TLL1: variants seen among roughly 807,000 people sequenced by gnomAD.
TLL1 encodes the protein tolloid like 1, also known as tolloid-like protein 1.
Under a neutral mutation model 128.2 loss-of-function variants are expected in TLL1, and 49 were observed. The ratio of observed to expected loss-of-function variants is 0.38; its 90% CI spans 0.30 to 0.48. The LOEUF is 0.48. Among genes scored for constraint, TLL1 ranks in the 20% least tolerant of loss-of-function variants. The pLI, the probability that TLL1 is intolerant of heterozygous loss-of-function variation, is 0.96. For synonymous variants in TLL1, 454 were observed against 418.8 expected (o/e 1.08, Z -1.03); for missense variants, 1,123 against 1,242.0 (o/e 0.90, Z 1.44).
rs139514988 is a variant in TLL1 at position 166,022,258 on chromosome 4, G to A, written c.1043-3058G>A. On this transcript the variant is annotated intron_variant, in intron 8 of 20. Transcript: ENST00000061240. Reference sequence around the variant, plus strand: ...GGGCTTACTGCAATCTCTGCCTCCCGGGTTCAAGCGATTCCTGCCTCAGCC... The same window carrying A: ...GGGCTTACTGCAATCTCTGCCTCCCAGGTTCAAGCGATTCCTGCCTCAGCC... Among the ~76,000 whole-genome samples, 662 of 151,532 alleles carry A rather than the reference G, an allele frequency of 4.4e-3. 3 individuals carry two copies. The highest frequency in any genetic ancestry group is 0.014 in the African/African-American group (594 of 41,276).
chr4:165,959,159 T>G (rs956316964), intron 1 of TLL1, among the ~76,000 whole-genome samples: 4 of 152,088 alleles, frequency 2.6e-5, no homozygotes, highest in African/African-American at 4.8e-5. Context: ...GCCTCCGGCT[T>G]TGTTCTTTTG....
intron 18 of TLL1, among the ~76,000 whole-genome samples, chr4:166,085,214 G>A (rs1741451008): frequency 6.8e-6 from 1 of 147,006 alleles, no homozygotes; most frequent in Non-Finnish European, 1.5e-5. Context: ...ATGAGATTGT[G>A]TCTTCTGCAA....
chr4:165,877,974 G>C (rs1403073811), intron 1 of TLL1, among the ~76,000 whole-genome samples: 1 of 152,052 alleles, frequency 6.6e-6, no homozygotes, highest in South Asian at 2.1e-4. Context: ...CCTGACAAAA[G>C]ACTTTCTACC....
rs904649644 is a variant in TLL1 at position 166,039,586 on chromosome 4, T to C, written c.1261+145T>C. ...ATGTTAGTTATACTTTTTTCAACCATACCAAAAATACTCAAAGACAAATGG... is the reference window on the plus strand; with the variant it reads ...ATGTTAGTTATACTTTTTTCAACCACACCAAAAATACTCAAAGACAAATGG... On this transcript the variant is annotated intron_variant, in intron 10 of 20. Coordinates refer to ENST00000061240, the MANE Select transcript of TLL1 (RefSeq NM_012464.5). 1.2e-5 allele frequency: 8 copies of C among 657,868 alleles called. No individual in the cohort carries two copies. The African/African-American group carries it at 1.4e-4, about 12-fold the overall frequency. The allele number at this position is 657,868 out of a possible 1,614,324, so 40.8% of individuals were successfully genotyped here. A position where few individuals can be genotyped will look rare whatever the true frequency, so the allele number is the denominator to read the frequency against.
chr4:165,988,722 A>G (rs1736499504), intron 1 of TLL1, among the ~76,000 whole-genome samples: 1 of 152,084 alleles, frequency 6.6e-6, no homozygotes, highest in African/African-American at 2.4e-5. Context: ...GGACCGTGTT[A>G]TATTTGTCAT....
At chr4:166,004,951 G>GGC (rs942254886) in intron 6 of TLL1, among the ~76,000 whole-genome samples, 2 of 151,188 alleles carry the variant, frequency 1.3e-5, no homozygotes, top group Non-Finnish European at 2.9e-5. Flanking sequence ...GGTGGTGGCG[G>GGC]GGGGGTGCCT....
intron 18 of TLL1, among the ~76,000 whole-genome samples, chr4:166,080,374 C>G (rs1170701480): frequency 6.6e-6 from 1 of 152,076 alleles, no homozygotes; most frequent in Non-Finnish European, 1.5e-5. Flanking sequence ...TTTAGAAAAA[C>G]AAAATTCAAT....
At chr4:165,963,966 T>A (rs1735248156) in intron 1 of TLL1, among the ~76,000 whole-genome samples, 1 of 152,202 alleles carries the variant, frequency 6.6e-6, no homozygotes, top group Non-Finnish European at 1.5e-5. Context: ...GAGGTGTGTT[T>A]CAGTATCTCC....
At chr4:165,887,901 AT>A (rs1307042580) in intron 1 of TLL1, among the ~76,000 whole-genome samples, 2 of 152,154 alleles carry the variant, frequency 1.3e-5, no homozygotes, top group Admixed American at 6.5e-5. Context: ...ATATATTTTT[AT>A]TTTTTGATGA....
At chr4:166,058,660 G>A (rs527686842) in intron 14 of TLL1, among the ~76,000 whole-genome samples, 8 of 152,164 alleles carry the variant, frequency 5.3e-5, no homozygotes, top group Admixed American at 3.3e-4. Context: ...TCTTACTCCA[G>A]TCTGTTCCTC....
intron 1 of TLL1, among the ~76,000 whole-genome samples, chr4:165,977,730 T>A (rs916198972): frequency 6.6e-6 from 1 of 152,158 alleles, no homozygotes; most frequent in African/African-American, 2.4e-5. Flanking sequence ...AATTAATATC[T>A]AGCAATACTT....
chr4:166,087,150 A>C (rs2646916), intron 18 of TLL1, among the ~76,000 whole-genome samples: 63,906 of 151,912 alleles, frequency 0.42, 15,335 homozygotes, highest in Middle Eastern at 0.55. Context: ...AAATACAAAC[A>C]AACAAAGTTC....
At chr4:165,961,046 A>G (rs151021998) in intron 1 of TLL1, among the ~76,000 whole-genome samples, 7 of 152,230 alleles carry the variant, frequency 4.6e-5, no homozygotes, top group Admixed American at 1.3e-4. Context: ...CTTCACTGGC[A>G]ATATGATTCA....
At chr4:166,093,774 C>G (rs1741894139) in intron 19 of TLL1, among the ~76,000 whole-genome samples, 1 of 152,158 alleles carries the variant, frequency 6.6e-6, no homozygotes, top group South Asian at 2.1e-4. Context: ...TTCCGCAGTG[C>G]ATTGTGCCCC....
chr4:166,067,908 C>T (rs1199274219), intron 16 of TLL1, among the ~76,000 whole-genome samples: 1 of 151,732 alleles, frequency 6.6e-6, no homozygotes, highest in African/African-American at 2.4e-5. Flanking sequence ...ATCTCTTGGT[C>T]CAAAGACCAT....
chr4:165,878,571 T>A (rs183672575), intron 1 of TLL1, among the ~76,000 whole-genome samples: 2,941 of 151,898 alleles, frequency 0.019, 71 homozygotes, highest in East Asian at 0.1. Flanking sequence ...GTGAAAAAGA[T>A]AGATTTTTTT....
chr4:165,874,777 T>C (rs1168385619), intron 1 of TLL1, among the ~76,000 whole-genome samples: 4 of 152,256 alleles, frequency 2.6e-5, no homozygotes, highest in African/African-American at 9.6e-5. Context: ...TGCCTGAAGC[T>C]CAGCTTCTTG....
intron 1 of TLL1, among the ~76,000 whole-genome samples, chr4:165,905,805 G>T (rs1732222325): frequency 6.6e-6 from 1 of 152,196 alleles, no homozygotes; most frequent in Non-Finnish European, 1.5e-5. Context: ...GTCTGAATGT[G>T]TTAAAACAAA....
Position 165,891,336 on chromosome 4 carries a change from G to A in TLL1, c.169+17263G>A, listed in dbSNP as rs1245268502. Among the ~76,000 whole-genome samples the A allele has an allele frequency of 2.0e-5, 3 of 152,016 alleles. No homozygotes were observed. The East Asian group carries it at 5.8e-4, about 29-fold the overall frequency. On this transcript the variant is annotated intron_variant, in intron 1 of 20. Coordinates refer to ENST00000061240, the MANE Select transcript of TLL1 (RefSeq NM_012464.5). ...TGGATGAATTTCTCCTCAGAAAGTG[G>A]GTTTTCTTTTTCTATATCATCATCA...
Sources: gnomAD v4.1 joint callset for allele counts (sites outside exome capture counted in the v4.1 genomes callset) on GRCh38, gnomAD v4.1.1 for gene constraint, MANE v1.5 for transcripts, NCBI Gene and HGNC (gene_info 2026-07-23, HGNC 2026-07-21) for gene names.